The following PPP1R15A variants were observed in gnomAD, a reference collection of about 807,000 sequenced individuals.
PPP1R15A encodes the protein growth arrest and DNA damage-inducible protein GADD34.
In PPP1R15A, 43 loss-of-function variants were observed where a neutral mutation model predicts 48.5. That is an observed-to-expected ratio of 0.89 (90% CI 0.69 to 1.14). The LOEUF is 1.14. PPP1R15A is among the 50% of genes most tolerant of loss of function. The probability of loss-of-function intolerance (pLI) is 0.00; values close to 1 mark genes in which losing one functional copy is unlikely to be tolerated. For missense variants in PPP1R15A, 868 were observed against 847.2 expected, an observed-to-expected ratio of 1.02 and a Z score of -0.30; for synonymous variants, 327 against 327.4, an observed-to-expected ratio of 1.00 and a Z score of 0.01.
At chr19:48,875,505 G>C (rs918204537) in intron 2 of PPP1R15A, 109 bp from the exon 3 acceptor site, 1 of 1,381,852 alleles carries the variant, frequency 7.2e-7, no homozygotes, top group Non-Finnish European at 9.7e-7. Flanking sequence ...AAGCATTTTT[G>C]TGTAATAACT....
In PPP1R15A at chr19:48,874,760, G is replaced by A. The variant is rs2037059069; in HGVS notation, c.1527G>A (p.Val509=). ...WGEAEPCPFR[V]AIYVPGEKPP... ...AAGCTGAGCCCTGCCCCTTCCGAGT[G>A]GCCATCTATGTACCTGGAGAGAAGC... is the stretch of plus-strand genomic sequence containing the variant. Residue 509 remains valine, a synonymous_variant, in exon 2 of 3, where the codon GTG becomes GTA. Coordinates refer to ENST00000200453, the MANE Select transcript of PPP1R15A (RefSeq NM_014330.5). The A allele has an allele frequency of 6.2e-7, 1 of 1,614,050 alleles. No homozygotes were observed. The highest frequency in any genetic ancestry group is 1.1e-5 in the South Asian group (1 of 91,086).
Position 48,872,449 on chromosome 19 carries a change from G to T in PPP1R15A, c.-212G>T, listed in dbSNP as rs1304560693. ...CTTATCGGTTCCCATCCCAGTTGTT[G>T]ATCTTATGCAAGACGCTGCACGACC... On this transcript the variant is annotated 5_prime_UTR_variant, in exon 1 of 3. Coordinates refer to ENST00000200453, the MANE Select transcript of PPP1R15A (RefSeq NM_014330.5). The T allele has an allele frequency of 4.4e-6, 2 of 456,390 alleles. No homozygotes were observed. Among genetic ancestry groups the T allele is most frequent in the Non-Finnish European group, 8.8e-6 (2 of 226,804 alleles). 28.3% of individuals were successfully genotyped at this position (456,390 alleles called of 1,614,324 possible).
In PPP1R15A at chr19:48,875,542, T is replaced by C. The variant is rs542853891; in HGVS notation, c.1666-72T>C. ...ATTTTTGTTTGCTTCTCTCTCTCTC[T>C]TCCCCGCCCTCCCCATCCGGATTCC... On this transcript the variant is annotated intron_variant, in intron 2 of 2. Coordinates refer to ENST00000200453, the MANE Select transcript of PPP1R15A (RefSeq NM_014330.5). 36 of 1,498,426 alleles carry C rather than the reference T, an allele frequency of 2.4e-5. No homozygotes were observed. In the South Asian group the frequency reaches 4.5e-4, roughly 19 times the overall value. The allele number at this position is 1,498,426 out of a possible 1,614,324, so 92.8% of individuals were successfully genotyped here.
Position 48,874,652 on chromosome 19 carries a change from G to A in PPP1R15A, c.1419G>A (p.Pro473=), listed in dbSNP as rs184810900. The A allele has an allele frequency of 1.5e-5, 25 of 1,613,882 alleles. No individual in the cohort carries two copies. The highest frequency in any genetic ancestry group is 7.7e-5 in the South Asian group (7 of 91,060). ...EAESDPHPSH[P]DQRAHFRGWG... is the part of the protein sequence containing the mutation. ...AGTCAGACCCACATCCCTCCCACCC[G>A]GACCAGAGGGCCCACTTCAGGGGCT... The change falls in exon 2 of 3, where the codon CCG becomes CCA. Residue 473 remains proline, a synonymous_variant. Transcript: ENST00000200453.
Position 48,872,577 on chromosome 19 carries a change from C to T in PPP1R15A, c.-84C>T, listed in dbSNP as rs1411515990. ...AGATGAACGCGCTGGCCTCCCTAACCGTCCGGACCTGTGATCGCTTCTGGC... is the reference window on the plus strand; with the variant it reads ...AGATGAACGCGCTGGCCTCCCTAACTGTCCGGACCTGTGATCGCTTCTGGC... On this transcript the variant is annotated 5_prime_UTR_variant, in exon 1 of 3. Transcript: ENST00000200453. 1 of 443,866 alleles carries T rather than the reference C, an allele frequency of 2.3e-6. No individual in the cohort carries two copies. Among genetic ancestry groups the T allele is most frequent in the Admixed American group, 2.4e-5 (1 of 41,958 alleles). 27.5% of individuals were successfully genotyped at this position (443,866 alleles called of 1,614,324 possible). A position where few individuals can be genotyped will look rare whatever the true frequency, so the allele number is the denominator to read the frequency against.
rs373166701 is a variant in PPP1R15A at position 48,874,496 on chromosome 19, C to T, written c.1263C>T (p.Ser421=). 25 of 1,613,838 alleles carry T rather than the reference C, an allele frequency of 1.5e-5. 1 individual carries two copies. The East Asian group carries it at 2.0e-4, about 13-fold the overall frequency. The change falls in exon 2 of 3, where the codon TCC becomes TCT. Residue 421 remains serine, a synonymous_variant. Coordinates refer to ENST00000200453, the MANE Select transcript of PPP1R15A (RefSeq NM_014330.5). ...AAAGAGAAGCTGAGACTTCTGCTTCCACACCCCCTGCAAGTGCTTTCTTGA... is the reference window on the plus strand; with the variant it reads ...AAAGAGAAGCTGAGACTTCTGCTTCTACACCCCCTGCAAGTGCTTTCTTGA... The part of the protein sequence containing the change: ...EDEREAETSA[S]TPPASAFLKA...
chr19:48,875,657 G>GGGCAGGGCCGGCCCAGGCCGCCC lies in PPP1R15A; in HGVS notation c.1711_1733dup (p.Pro581ArgfsTer31). ...GTCACTGTCCATTTCCTGGCTGTCT[G>GGGCAGGGCCGGCCCAGGCCGCCC]GGCAGGGCCGGCCCAGGCCGCCCGC... On this transcript the variant is annotated frameshift_variant, in exon 3 of 3. Coordinates refer to ENST00000200453, the MANE Select transcript of PPP1R15A (RefSeq NM_014330.5). LOFTEE classifies it low-confidence loss of function (END_TRUNC). 1.9e-6 allele frequency: 3 copies of GGGCAGGGCCGGCCCAGGCCGCCC among 1,609,252 alleles called. No homozygotes were observed. Among genetic ancestry groups the GGGCAGGGCCGGCCCAGGCCGCCC allele is most frequent in the Non-Finnish European group, 2.5e-6 (3 of 1,178,396 alleles).
At chr19:48,875,276 C>T (rs1410207295) in intron 2 of PPP1R15A, 5 of 351,508 alleles carry the variant, frequency 1.4e-5, no homozygotes, top group South Asian at 5.6e-5. Context: ...GGCTGGGGGC[C>T]GAGACTTCTG....
At position 48,873,331 on chromosome 19, in the gene PPP1R15A, GGAGCCGCCT is replaced by G. The variant is rs2037032305; in HGVS notation, c.102_110del (p.Ser34_Leu36del). 6.2e-7 allele frequency: 1 copy of G among 1,611,870 alleles called. No homozygotes were observed. The highest frequency in any genetic ancestry group is 1.3e-5 in the African/African-American group (1 of 74,740). On this transcript the variant is annotated inframe_deletion, in exon 2 of 3. Coordinates refer to ENST00000200453, the MANE Select transcript of PPP1R15A (RefSeq NM_014330.5). Reference sequence around the variant, plus strand: ...GTGATGGGCCTCCTCAGCCGCGCCTGGAGCCGCCTGAGGGGCCTGGGACCTCTAGAGCCC... The same window carrying G: ...GTGATGGGCCTCCTCAGCCGCGCCTGGAGGGGCCTGGGACCTCTAGAGCCC...
At position 48,873,783 on chromosome 19, in the gene PPP1R15A, C is replaced by A; in HGVS notation, c.550C>A (p.Arg184=). 6.2e-7 allele frequency: 1 copy of A among 1,613,990 alleles called. No individual in the cohort carries two copies. The highest frequency in any genetic ancestry group is 1.3e-5 in the African/African-American group (1 of 74,988). ...VNKFSYPPSH[R]ECCPAVEEED... is the part of the protein sequence containing the mutation. ...CAAGTTCTCTTATCCACCATCACACCGGGAGTGTTGTCCAGCCGTGGAGGA... is the reference window on the plus strand; with the variant it reads ...CAAGTTCTCTTATCCACCATCACACAGGGAGTGTTGTCCAGCCGTGGAGGA... The change falls in exon 2 of 3, where the codon CGG becomes AGG. Residue 184 remains arginine, a synonymous_variant. Coordinates refer to ENST00000200453, the MANE Select transcript of PPP1R15A (RefSeq NM_014330.5).
chr19:48,875,840 C>A lies in PPP1R15A; in HGVS notation c.1892C>A (p.Thr631Asn), dbSNP rs1450453690. 1 of 1,614,112 alleles carries A rather than the reference C, an allele frequency of 6.2e-7. No individual in the cohort carries two copies. The highest frequency in any genetic ancestry group is 8.5e-7 in the Non-Finnish European group (1 of 1,179,956). ...CCTTTAGCCCCCATCCCTGCCCTCA[C>A]CCAGACCTTGCCTTCCTCCTCTGTC... is the stretch of plus-strand genomic sequence containing the variant. Reference protein sequence around the residue: ...NPPLAPIPALTQTLPSSSVPS... With the variant: ...NPPLAPIPALNQTLPSSSVPS... Residue 631 changes from threonine (T) to asparagine (N), a missense_variant, in exon 3 of 3, where the codon ACC becomes AAC. Coordinates refer to ENST00000200453, the MANE Select transcript of PPP1R15A (RefSeq NM_014330.5).
rs774438286 is a variant in PPP1R15A at position 48,874,501 on chromosome 19, C to T, written c.1268C>T (p.Pro423Leu). The change falls in exon 2 of 3, where the codon CCC becomes CTC. Residue 423 changes from proline to leucine, a missense_variant. Transcript: ENST00000200453. Reference sequence around the variant, plus strand: ...GAAGCTGAGACTTCTGCTTCCACACCCCCTGCAAGTGCTTTCTTGAAGGCC... The same window carrying T: ...GAAGCTGAGACTTCTGCTTCCACACTCCCTGCAAGTGCTTTCTTGAAGGCC... ...EREAETSAST[P>L]PASAFLKAWV... 6 of 1,613,860 alleles carry T rather than the reference C, an allele frequency of 3.7e-6. No individual in the cohort carries two copies. Among genetic ancestry groups the T allele is most frequent in the Non-Finnish European group, 4.2e-6 (5 of 1,179,912 alleles).
In PPP1R15A at chr19:48,873,761, G is replaced by T; in HGVS notation, c.528G>T (p.Lys176Asn). ...TTGCTGAAGAGGAGGGAGTTAACAA[G>T]TTCTCTTATCCACCATCACACCGGG... The part of the protein sequence containing the change: ...EGVAEEEGVN[K>N]FSYPPSHREC... Residue 176 changes from lysine (K) to asparagine (N), a missense_variant, in exon 2 of 3, where the codon AAG becomes AAT. Transcript: ENST00000200453. 6.2e-7 allele frequency: 1 copy of T among 1,614,058 alleles called. No individual in the cohort carries two copies. The highest frequency in any genetic ancestry group is 8.5e-7 in the Non-Finnish European group (1 of 1,180,004).
Position 48,873,974 on chromosome 19 carries a change from C to T in PPP1R15A, c.741C>T (p.Ser247=), listed in dbSNP as rs141730546. The T allele has an allele frequency of 2.0e-4, 327 of 1,613,946 alleles. No individual in the cohort carries two copies. Among genetic ancestry groups the T allele is most frequent in the Non-Finnish European group, 2.7e-4 (317 of 1,180,000 alleles). ...TERSKGARKT[S]VSPRSSGSDP... is the part of the protein sequence containing the mutation. ...GAAGTAAAGGAGCCAGGAAGACCTC[C>T]GTGTCCCCCCGATCTTCAGGCTCCG... Residue 247 remains serine, a synonymous_variant, in exon 2 of 3, where the codon TCC becomes TCT. Coordinates refer to ENST00000200453, the MANE Select transcript of PPP1R15A (RefSeq NM_014330.5).
rs756283354 is a variant in PPP1R15A, at chr19:48,875,615, T to C, written c.1667T>C (p.Val556Ala). The C allele has an allele frequency of 3.5e-5, 55 of 1,587,418 alleles. No homozygotes were observed. The South Asian group carries it at 5.9e-4, about 17-fold the overall frequency. The change falls in exon 3 of 3, where the codon GTG (valine) becomes GCG (alanine). Residue 556 changes from valine to alanine, a missense_variant and splice_region_variant. Transcript: ENST00000200453. ...DPETPLKARK[V>A]RFSEKVTVHF... ...CTGTGTCCCCATGTCTGCCCGCAGG[T>C]GCGCTTCTCCGAGAAGGTCACTGTC...
rs748786068 is a variant in PPP1R15A at position 48,872,423 on chromosome 19, T to G, written c.-238T>G. The G allele has an allele frequency of 8.8e-6, 4 of 456,424 alleles. No homozygotes were observed. The highest frequency in any genetic ancestry group is 4.6e-5 in the South Asian group (3 of 64,542). The allele number at this position is 456,424 out of a possible 1,614,324, so 28.3% of individuals were successfully genotyped here. On this transcript the variant is annotated 5_prime_UTR_variant, in exon 1 of 3. Transcript: ENST00000200453. Reference sequence around the variant, plus strand: ...GCCTAGTGGCCATTGTGTTCGTTGCTCTTATCGGTTCCCATCCCAGTTGTT... The same window carrying G: ...GCCTAGTGGCCATTGTGTTCGTTGCGCTTATCGGTTCCCATCCCAGTTGTT...
Position 48,875,667 on chromosome 19 carries a change from G to C in PPP1R15A, c.1719G>C (p.Pro573=), listed in dbSNP as rs1031045647. Residue 573 remains proline, a synonymous_variant, in exon 3 of 3, where the codon CCG becomes CCC. Coordinates refer to ENST00000200453, the MANE Select transcript of PPP1R15A (RefSeq NM_014330.5). ...TVHFLAVWAG[P]AQAARQGPWE... ...ATTTCCTGGCTGTCTGGGCAGGGCC[G>C]GCCCAGGCCGCCCGCCAGGGCCCCT... 1.2e-6 allele frequency: 2 copies of C among 1,609,838 alleles called. No individual in the cohort carries two copies. Among genetic ancestry groups the C allele is most frequent in the South Asian group, 2.2e-5 (2 of 90,904 alleles).
intron 1 of PPP1R15A, among the ~76,000 whole-genome samples, 152 bp from the exon 2 acceptor site, chr19:48,873,073 G>T (rs1336661213): frequency 6.6e-6 from 1 of 152,152 alleles, no homozygotes; most frequent in Non-Finnish European, 1.5e-5. Context: ...GGACAGAGAT[G>T]GGCGTGGCCG....
In PPP1R15A at chr19:48,874,706, G is replaced by A; in HGVS notation, c.1473G>A (p.Glu491=). 6.2e-7 allele frequency: 1 copy of A among 1,614,052 alleles called. No homozygotes were observed. The highest frequency in any genetic ancestry group is 8.5e-7 in the Non-Finnish European group (1 of 1,179,998). Residue 491 remains glutamate (E), a synonymous_variant, in exon 2 of 3, where the codon GAG becomes GAA. Transcript: ENST00000200453. ...GATATCGACCTGGAAAAGAGACAGA[G>A]GAAGAGGAAGCTGCTGAGGACTGGG... is the stretch of plus-strand genomic sequence containing the variant. ...GWGYRPGKET[E]EEEAAEDWGE...
Sources: gnomAD v4.1 joint callset for allele counts (sites outside exome capture counted in the v4.1 genomes callset) on GRCh38, gnomAD v4.1.1 for gene constraint, MANE v1.5 for transcripts, NCBI Gene and HGNC (gene_info 2026-07-23, HGNC 2026-07-21) for gene names.